NDST4: variants seen among roughly 807,000 people sequenced by gnomAD.
The protein encoded by NDST4 is N-deacetylase and N-sulfotransferase 4, also known as N-heparan sulfate sulfotransferase 4.
In NDST4, 63 loss-of-function variants were observed where a neutral mutation model predicts 100.8. The observed-to-expected ratio is 0.62, with a 90% confidence interval of 0.51 to 0.77. The LOEUF (loss-of-function observed/expected upper bound fraction) is 0.77, where lower values mean the gene tolerates loss of function less well. Ranked by LOEUF, NDST4 falls within the 30% of genes least tolerant of loss-of-function variation. The pLI, the probability that NDST4 is intolerant of heterozygous loss-of-function variation, is 0.00. For missense variants in NDST4, 943 were observed against 1,018.4 expected, an observed-to-expected ratio of 0.93 and a Z score of 1.01; for synonymous variants, 377 against 361.8, an observed-to-expected ratio of 1.04 and a Z score of -0.48.
chr4:115,020,905 A>C (rs1027163923), intron 2 of NDST4, among the ~76,000 whole-genome samples: 1 of 152,056 alleles, frequency 6.6e-6, no homozygotes, highest in Non-Finnish European at 1.5e-5. Flanking sequence ...CAAAAAGTCA[A>C]AAAACAGTAG....
intron 6 of NDST4, among the ~76,000 whole-genome samples, chr4:114,900,788 A>G (rs991334889): frequency 6.6e-6 from 1 of 152,066 alleles, no homozygotes; most frequent in Non-Finnish European, 1.5e-5. Flanking sequence ...AGTGATATAG[A>G]TTTTCTTATA....
intron 2 of NDST4, among the ~76,000 whole-genome samples, chr4:115,033,578 A>G (rs1728169739): frequency 6.6e-6 from 1 of 151,976 alleles, no homozygotes; most frequent in African/African-American, 2.4e-5. Flanking sequence ...AAGAGCTCTC[A>G]TTTGATTTTT....
At chr4:114,922,008 TAGTC>T (rs60437565) in intron 6 of NDST4, among the ~76,000 whole-genome samples, 7,025 of 131,482 alleles carry the variant, frequency 0.053, 530 homozygotes, top group African/African-American at 0.18. Flanking sequence ...AGTCGGTAGT[TAGTC>T]AGACCCAGGC....
intron 1 of NDST4, among the ~76,000 whole-genome samples, chr4:115,091,359 T>C (rs1255156570): frequency 6.6e-6 from 1 of 152,152 alleles, no homozygotes; most frequent in Non-Finnish European, 1.5e-5. Context: ...ATTAATCATT[T>C]ATTTTTTAAG....
chr4:114,928,674 A>C (rs1371301498), intron 6 of NDST4, among the ~76,000 whole-genome samples: 1 of 152,142 alleles, frequency 6.6e-6, no homozygotes, highest in Non-Finnish European at 1.5e-5. Flanking sequence ...AGTCCAGTGC[A>C]CAACCCCTGT....
chr4:114,854,139 T>A (rs535212184), intron 7 of NDST4, among the ~76,000 whole-genome samples: 8 of 152,336 alleles, frequency 5.3e-5, no homozygotes, highest in Non-Finnish European at 1.2e-4. Flanking sequence ...CAGCCCCTGG[T>A]ACCCATCATT....
At chr4:115,022,255 C>T (rs909867817) in intron 2 of NDST4, among the ~76,000 whole-genome samples, 1 of 150,130 alleles carries the variant, frequency 6.7e-6, no homozygotes, top group Non-Finnish European at 1.5e-5. Context: ...ATGCACGTTC[C>T]ATATATATAA....
intron 2 of NDST4, among the ~76,000 whole-genome samples, chr4:114,978,061 A>G (rs1239465681): frequency 1.3e-5 from 2 of 152,048 alleles, no homozygotes; most frequent in African/African-American, 4.8e-5. Flanking sequence ...TTGTAGCATA[A>G]TTCAGAACCC....
chr4:114,933,146 A>C (rs1177785243), intron 6 of NDST4, among the ~76,000 whole-genome samples: 1 of 152,148 alleles, frequency 6.6e-6, no homozygotes, highest in Non-Finnish European at 1.5e-5. Context: ...GAAACAAAGC[A>C]AACGGTCCAG....
chr4:115,099,230 G>C (rs913162393), intron 1 of NDST4, among the ~76,000 whole-genome samples: 1 of 151,952 alleles, frequency 6.6e-6, no homozygotes, highest in East Asian at 1.9e-4. Flanking sequence ...ACTCTTAGAA[G>C]ATCATATAGG....
intron 2 of NDST4, among the ~76,000 whole-genome samples, chr4:115,054,573 A>C (rs920318889): frequency 7.9e-5 from 12 of 152,192 alleles, no homozygotes; most frequent in African/African-American, 2.9e-4. Context: ...TTTAACATAT[A>C]TAAGACAAAA....
chr4:114,832,130 T>C (rs576417653), intron 12 of NDST4, among the ~76,000 whole-genome samples: 1 of 152,316 alleles, frequency 6.6e-6, no homozygotes, highest in African/African-American at 2.4e-5. Flanking sequence ...AAACATTACC[T>C]CAACTACGGC....
At chr4:114,932,315 G>A (rs1044885841) in intron 6 of NDST4, among the ~76,000 whole-genome samples, 1 of 151,758 alleles carries the variant, frequency 6.6e-6, no homozygotes, top group South Asian at 2.1e-4. Flanking sequence ...ATGATAAAAA[G>A]CTCAACAAAT....
chr4:115,036,432 T>C (rs1728235087), intron 2 of NDST4, among the ~76,000 whole-genome samples: 1 of 151,260 alleles, frequency 6.6e-6, no homozygotes, highest in African/African-American at 2.4e-5. Context: ...CATATATGTA[T>C]ATGTTAGATT....
intron 4 of NDST4, among the ~76,000 whole-genome samples, chr4:114,966,294 G>A (rs1726381233): frequency 6.6e-6 from 1 of 151,870 alleles, no homozygotes; most frequent in Admixed American, 6.6e-5. Flanking sequence ...CATGGCATAT[G>A]TGTGTGTGTA....
intron 2 of NDST4, among the ~76,000 whole-genome samples, chr4:114,984,571 G>T (rs1016117039): frequency 1.3e-5 from 2 of 152,082 alleles, no homozygotes; most frequent in Admixed American, 6.5e-5. Context: ...ATAAAAAGGT[G>T]TCTTATTTAT....
intron 10 of NDST4, among the ~76,000 whole-genome samples, chr4:114,844,279 A>G (rs555541023): frequency 3.8e-4 from 58 of 152,302 alleles, no homozygotes; most frequent in Non-Finnish European, 7.2e-4. Context: ...AATGTGATGT[A>G]TTGTAAAAGA....
At chr4:114,922,074 C>T (rs923176179) in intron 6 of NDST4, among the ~76,000 whole-genome samples, 1 of 152,090 alleles carries the variant, frequency 6.6e-6, no homozygotes, top group African/African-American at 2.4e-5. Context: ...CAGGAATGTC[C>T]GGCCACCATC....
At chr4:114,854,524 A>G (rs1004070333) in intron 7 of NDST4, among the ~76,000 whole-genome samples, 1 of 152,062 alleles carries the variant, frequency 6.6e-6, no homozygotes, top group Non-Finnish European at 1.5e-5. Context: ...GCTGGAGTGC[A>G]ATGGCACAAT....
Sources: allele counts gnomAD v4.1 joint callset (sites outside exome capture counted in the v4.1 genomes callset), GRCh38; gene constraint gnomAD v4.1.1; transcripts MANE v1.5; gene names NCBI Gene and HGNC (gene_info 2026-07-23, HGNC 2026-07-21).